Variants in SYT16 observed in about 807,000 individuals in gnomAD.
The protein encoded by SYT16 is synaptotagmin 16.
In SYT16, 42 loss-of-function variants were observed where a neutral mutation model predicts 61.4. The ratio of observed to expected loss-of-function variants is 0.68; its 90% CI spans 0.53 to 0.89. The LOEUF (loss-of-function observed/expected upper bound fraction) is 0.89. Among genes scored for constraint, SYT16 ranks in the 40% least tolerant of loss-of-function variants. The probability of loss-of-function intolerance (pLI) is 0.00; values close to 1 mark genes in which losing one functional copy is unlikely to be tolerated. For missense variants in SYT16, 804 were observed against 807.3 expected, an observed-to-expected ratio of 1.00 and a Z score of 0.05; for synonymous variants, 314 against 302.3, an observed-to-expected ratio of 1.04 and a Z score of -0.40.
At chr14:61,977,156 A>G (rs2051844049) in intron 2 of SYT16, among the ~76,000 whole-genome samples, 2 of 152,160 alleles carry the variant, frequency 1.3e-5, no homozygotes, top group South Asian at 2.1e-4. Flanking sequence ...AAGCCATTCA[A>G]CAAGTCTCTA....
At chr14:61,843,344 T>C (rs1400259002) in intron 1 of SYT16, among the ~76,000 whole-genome samples, 1 of 152,198 alleles carries the variant, frequency 6.6e-6, no homozygotes, top group African/African-American at 2.4e-5. Flanking sequence ...TGAACACCTT[T>C]CCATAGAGTT....
At chr14:61,856,665 C>T (rs1407379147) in intron 1 of SYT16, among the ~76,000 whole-genome samples, 2 of 152,154 alleles carry the variant, frequency 1.3e-5, no homozygotes, top group African/African-American at 2.4e-5. Context: ...GTCTATTAAA[C>T]ATCCTATTGG....
chr14:61,913,384 A>G (rs1314860908), intron 1 of SYT16, among the ~76,000 whole-genome samples: 1 of 152,192 alleles, frequency 6.6e-6, no homozygotes, highest in Non-Finnish European at 1.5e-5. Context: ...ACTATAGTCT[A>G]TAGACTGGAG....
chr14:61,877,436 T>C (rs1209878508), intron 1 of SYT16, among the ~76,000 whole-genome samples: 1 of 152,198 alleles, frequency 6.6e-6, no homozygotes, highest in Admixed American at 6.5e-5. Flanking sequence ...TACCCGTGTA[T>C]ATGAATCTCT....
chr14:61,920,782 C>T (rs77837037), intron 1 of SYT16, among the ~76,000 whole-genome samples: 4,605 of 152,278 alleles, frequency 0.03, 91 homozygotes, highest in African/African-American at 0.048. Flanking sequence ...CTCGTTTAAG[C>T]TTTAATCTTT....
intron 2 of SYT16, among the ~76,000 whole-genome samples, chr14:61,993,501 T>G (rs7143933): frequency 0.79 from 120,665 of 152,056 alleles, 48,518 homozygotes; most frequent in African/African-American, 0.93. Flanking sequence ...ATGGAAGAAT[T>G]ATTAAGGAAA....
chr14:62,029,730 A>G (rs146506495), intron 3 of SYT16, among the ~76,000 whole-genome samples: 73 of 152,092 alleles, frequency 4.8e-4, no homozygotes, highest in Non-Finnish European at 7.9e-4. Flanking sequence ...AATCCAGTCA[A>G]TAGTTCTGTC....
intron 2 of SYT16, among the ~76,000 whole-genome samples, chr14:61,990,625 C>G (rs2052507956): frequency 6.6e-6 from 1 of 152,170 alleles, no homozygotes; most frequent in Non-Finnish European, 1.5e-5. Context: ...CACAGGCATA[C>G]AGGCTTCTGC....
chr14:62,062,357 T>A (rs1418861669), intron 3 of SYT16, among the ~76,000 whole-genome samples: 1 of 152,166 alleles, frequency 6.6e-6, no homozygotes, highest in South Asian at 2.1e-4. Flanking sequence ...AAACTTAATG[T>A]GTCAGAGTCT....
chr14:61,817,012 C>CAA (rs1463280301), intron 1 of SYT16, among the ~76,000 whole-genome samples: 34 of 123,996 alleles, frequency 2.7e-4, no homozygotes, highest in African/African-American at 6.2e-4. Flanking sequence ...CTCCGTCACA[C>CAA]ACACACACAC....
intron 1 of SYT16, among the ~76,000 whole-genome samples, chr14:61,819,229 T>A (rs547558134): frequency 5.3e-5 from 8 of 152,320 alleles, no homozygotes; most frequent in Admixed American, 1.3e-4. Context: ...TCCTTTTAGA[T>A]CACTAGGGTA....
intron 1 of SYT16, among the ~76,000 whole-genome samples, chr14:61,834,918 T>G (rs2046076627): frequency 6.6e-6 from 1 of 152,252 alleles, no homozygotes; most frequent in Non-Finnish European, 1.5e-5. Flanking sequence ...TAGCATAGCA[T>G]TCCCATAAAA....
intron 3 of SYT16, among the ~76,000 whole-genome samples, chr14:62,052,924 A>G (rs971365411): frequency 6.6e-6 from 1 of 152,242 alleles, no homozygotes. Context: ...AGTCTGTGAT[A>G]CTTTTTTATA....
chr14:62,051,708 T>C (rs2055308920), intron 3 of SYT16, among the ~76,000 whole-genome samples: 1 of 152,284 alleles, frequency 6.6e-6, no homozygotes, highest in Admixed American at 6.5e-5. Flanking sequence ...TATAGTCTTA[T>C]ATCTCAGTCG....
intron 3 of SYT16, among the ~76,000 whole-genome samples, chr14:62,031,519 G>A (rs967801628): frequency 8.5e-5 from 13 of 152,076 alleles, no homozygotes; most frequent in African/African-American, 3.1e-4. Flanking sequence ...AAAACAAGAG[G>A]GGCAAATGTG....
chr14:61,858,079 T>C (rs2046831615), intron 1 of SYT16, among the ~76,000 whole-genome samples: 1 of 144,796 alleles, frequency 6.9e-6, no homozygotes. Flanking sequence ...GCATGTACTA[T>C]TGTGTTCACT....
At chr14:61,922,271 T>C (rs1032601246) in intron 1 of SYT16, among the ~76,000 whole-genome samples, 4 of 152,152 alleles carry the variant, frequency 2.6e-5, no homozygotes, top group Admixed American at 2.6e-4. Context: ...AGTAAAGACA[T>C]GGAATCAACC....
In SYT16 at chr14:61,972,013, G is replaced by A. The variant is rs1005920518; in HGVS notation, c.-145+1702G>A. On this transcript the variant is annotated intron_variant, in intron 2 of 7. Transcript: ENST00000683842. Reference sequence around the variant, plus strand: ...TCCCTTCAGCAGCTGGCTGTCACTCGTTATGTGACCTTGGCAAATTATGGA... The same window carrying A: ...TCCCTTCAGCAGCTGGCTGTCACTCATTATGTGACCTTGGCAAATTATGGA... 3.9e-5 allele frequency among the ~76,000 whole-genome samples: 6 copies of A among 152,326 alleles called. No individual in the cohort carries two copies. In the South Asian group the frequency reaches 6.2e-4, roughly 16 times the overall value.
At chr14:61,824,843 C>T (rs1594696774) in intron 1 of SYT16, among the ~76,000 whole-genome samples, 1 of 152,142 alleles carries the variant, frequency 6.6e-6, no homozygotes, top group South Asian at 2.1e-4. Context: ...TCTTTTTACT[C>T]TCATTTTATT....
Sources: gnomAD v4.1 joint callset for allele counts (sites outside exome capture counted in the v4.1 genomes callset) on GRCh38, gnomAD v4.1.1 for gene constraint, MANE v1.5 for transcripts, NCBI Gene and HGNC (gene_info 2026-07-23, HGNC 2026-07-21) for gene names.